The following PRUNE2 variants were observed in gnomAD, a reference collection of about 807,000 sequenced individuals.
PRUNE2 encodes the protein protein prune homolog 2.
Under a neutral mutation model 252.0 loss-of-function variants are expected in PRUNE2, and 164 were observed. The observed-to-expected ratio is 0.65, with a 90% CI of 0.57 to 0.74. The LOEUF (loss-of-function observed/expected upper bound fraction) is 0.74, where lower values mean the gene tolerates loss of function less well. Ranked by LOEUF, PRUNE2 falls within the 30% of genes least tolerant of loss-of-function variation. The pLI is 0.00. For synonymous variants in PRUNE2, 1,292 were observed against 1,350.2 expected (o/e 0.96, Z 0.94); for missense variants, 3,495 against 3,711.0 (o/e 0.94, Z 1.51).
intron 6 of PRUNE2, among the ~76,000 whole-genome samples, chr9:76,777,814 A>G (rs1347627006): frequency 6.6e-6 from 1 of 152,222 alleles, no homozygotes; most frequent in Non-Finnish European, 1.5e-5. Context: ...CACCATTTAC[A>G]TGACATTTGA....
intron 6 of PRUNE2, chr9:76,823,292 G>C (rs1039118122): frequency 5.1e-6 from 1 of 197,600 alleles, no homozygotes; most frequent in African/African-American, 2.3e-5. Context: ...AACAATACAG[G>C]GTGGTACACA....
chr9:76,730,301 A>G (rs933197912), intron 6 of PRUNE2, among the ~76,000 whole-genome samples: 5 of 152,230 alleles, frequency 3.3e-5, no homozygotes, highest in Non-Finnish European at 7.3e-5. Flanking sequence ...AAGATCAATA[A>G]AGAGAGCTTC....
intron 6 of PRUNE2, among the ~76,000 whole-genome samples, chr9:76,778,115 T>C (rs536524502): frequency 6.6e-6 from 1 of 152,284 alleles, no homozygotes; most frequent in South Asian, 2.1e-4. Context: ...AATGACTGGG[T>C]CCCAGCCTAG....
intron 4 of PRUNE2, among the ~76,000 whole-genome samples, chr9:76,837,248 C>T (rs1438851188): frequency 6.6e-5 from 10 of 152,140 alleles, no homozygotes; most frequent in Admixed American, 5.2e-4. Context: ...TTGAGACCAT[C>T]CTGGCCAACA....
intron 6 of PRUNE2, among the ~76,000 whole-genome samples, chr9:76,776,893 TACACACACACACACACACACACACAC>T (rs541232508): frequency 8.6e-6 from 1 of 115,616 alleles, no homozygotes; most frequent in Non-Finnish European, 1.7e-5. Flanking sequence ...CCAAAACACA[TACACACACACACACACACACACACAC>T]ACACACACAC....
chr9:76,869,303 T>C (rs971882193), intron 1 of PRUNE2: 2 of 152,178 alleles, frequency 1.3e-5, no homozygotes, highest in South Asian at 4.1e-4. Flanking sequence ...ACGGTGCAGG[T>C]ATGCAGGTTC....
rs569935013 is a variant in PRUNE2, at chr9:76,842,936, G to T, written c.508+3579C>A. On this transcript the variant is annotated intron_variant, in intron 4 of 18. Transcript: ENST00000376718. ...AGTGTGGCGATTCCTCAGGGATCTAGAACAAGAAATACCATTTGATCCAGC... is the reference window on the plus strand; with the variant it reads ...AGTGTGGCGATTCCTCAGGGATCTATAACAAGAAATACCATTTGATCCAGC... 4.7e-4 allele frequency among the ~76,000 whole-genome samples: 71 copies of T among 152,224 alleles called. 1 individual carries two copies. The highest frequency in any genetic ancestry group is 9.7e-4 in the Non-Finnish European group (66 of 68,002).
intron 1 of PRUNE2, chr9:76,857,192 G>T (rs555167586): frequency 4.4e-6 from 2 of 452,536 alleles, no homozygotes; most frequent in African/African-American, 4.0e-5. Context: ...CAGTTTCCAG[G>T]CTTCAGCACT....
At chr9:76,869,951 G>C (rs2061087433) in intron 1 of PRUNE2, among the ~76,000 whole-genome samples, 1 of 152,120 alleles carries the variant, frequency 6.6e-6, no homozygotes, top group South Asian at 2.1e-4. Context: ...TTTTAAGGGA[G>C]ATCATTAACT....
chr9:76,754,282 G>A (rs2130525205), intron 6 of PRUNE2, among the ~76,000 whole-genome samples: 1 of 152,186 alleles, frequency 6.6e-6, no homozygotes, highest in Non-Finnish European at 1.5e-5. Context: ...GGTGGGGTGG[G>A]GAAGCAGAAT....
intron 16 of PRUNE2, among the ~76,000 whole-genome samples, chr9:76,626,290 A>G (rs938697130): frequency 1.3e-5 from 2 of 152,240 alleles, no homozygotes; most frequent in African/African-American, 4.8e-5. Context: ...TTTTTCTTTC[A>G]TTTAAGCCCT....
intron 16 of PRUNE2, among the ~76,000 whole-genome samples, 193 bp from the exon 17 acceptor site, chr9:76,624,683 A>C (rs1182862540): frequency 6.6e-6 from 1 of 152,220 alleles, no homozygotes; most frequent in Non-Finnish European, 1.5e-5. Flanking sequence ...GTTTATGTAC[A>C]TTTACTTTGC....
chr9:76,834,708 C>G (rs73462316), intron 4 of PRUNE2, among the ~76,000 whole-genome samples: 9,442 of 152,216 alleles, frequency 0.062, 406 homozygotes, highest in African/African-American at 0.13. Context: ...AGATGATATA[C>G]TGATAAAAGT....
At chr9:76,745,865 G>A (rs2050060092) in intron 6 of PRUNE2, among the ~76,000 whole-genome samples, 2 of 152,094 alleles carry the variant, frequency 1.3e-5, no homozygotes, top group Admixed American at 1.3e-4. Flanking sequence ...CCCTCTCTCC[G>A]ACCACAAGGA....
At chr9:76,688,083 C>G (rs147612365) in intron 9 of PRUNE2, among the ~76,000 whole-genome samples, 44 of 152,342 alleles carry the variant, frequency 2.9e-4, no homozygotes, top group African/African-American at 9.6e-4. Context: ...CTCCTTGGAG[C>G]TTGTCACAGA....
Position 76,706,001 on chromosome 9 carries a change from C to T in PRUNE2, c.6273G>A (p.Thr2091=), listed in dbSNP as rs117028609. ...GAGAATTGCTGTCATGTTCGCAGTG[C>T]GTCAGGATATCAGGATTCTCACCAT... The part of the protein sequence containing the change: ...KADGENPDIL[T]HCEHDSNSQA... Residue 2091 remains threonine (T), a synonymous_variant, in exon 8 of 19, where the codon ACG becomes ACA. Coordinates refer to ENST00000376718, the MANE Select transcript of PRUNE2 (RefSeq NM_015225.3). 2.5e-4 allele frequency: 396 copies of T among 1,613,976 alleles called. 1 individual carries two copies. In the East Asian group the frequency reaches 5.5e-3, roughly 22 times the overall value.
chr9:76,712,077 A>T (rs888418517), intron 7 of PRUNE2, among the ~76,000 whole-genome samples: 5 of 152,116 alleles, frequency 3.3e-5, no homozygotes, highest in Admixed American at 2.0e-4. Flanking sequence ...ATTAGTAGAG[A>T]TAAAATTAAT....
At position 76,823,739 on chromosome 9, in the gene PRUNE2, G is replaced by GC. The variant is rs768394011; in HGVS notation, c.662-14_662-13insG. 22 of 1,505,836 alleles carry GC rather than the reference G, an allele frequency of 1.5e-5. No homozygotes were observed. The Admixed American group carries it at 4.0e-4, about 28-fold the overall frequency. 93.3% of individuals were successfully genotyped at this position (1,505,836 alleles called of 1,614,324 possible). ...TCAATACTTAAACCTGTGGATGACAGGAAAAAAAAACATTATGTTATACTT... is the reference window on the plus strand; with the variant it reads ...TCAATACTTAAACCTGTGGATGACAGCGAAAAAAAAACATTATGTTATACTT... On this transcript the variant is annotated splice_polypyrimidine_tract_variant and intron_variant, in intron 5 of 18. Coordinates refer to ENST00000376718, the MANE Select transcript of PRUNE2 (RefSeq NM_015225.3).
intron 1 of PRUNE2, among the ~76,000 whole-genome samples, chr9:76,864,237 C>T (rs2060709852): frequency 6.6e-6 from 1 of 152,112 alleles, no homozygotes; most frequent in African/African-American, 2.4e-5. Flanking sequence ...TAAGTGGGAG[C>T]TAAACATTGA....
Sources: gnomAD v4.1 joint callset for allele counts (sites outside exome capture counted in the v4.1 genomes callset) on GRCh38, gnomAD v4.1.1 for gene constraint, MANE v1.5 for transcripts, NCBI Gene and HGNC (gene_info 2026-07-23, HGNC 2026-07-21) for gene names.